The following AK8 variants were observed in gnomAD, a reference collection of about 807,000 sequenced individuals.
AK8 encodes adenylate kinase 8.
AK8 carries 44 observed loss-of-function variants against 54.6 expected under a neutral mutation model. The ratio of observed to expected loss-of-function variants is 0.81; its 90% CI spans 0.63 to 1.04. The LOEUF is 1.04. Among genes scored for constraint, AK8 ranks in the 50% least tolerant of loss-of-function variants. The pLI is 0.00. For missense variants in AK8, 555 were observed against 613.6 expected, an observed-to-expected ratio of 0.90 and a Z score of 1.01; for synonymous variants, 239 against 245.6, an observed-to-expected ratio of 0.97 and a Z score of 0.25.
Position 132,795,283 on chromosome 9 carries a change from G to A in AK8, c.980-2508C>T, listed in dbSNP as rs889719681. Among the ~76,000 whole-genome samples the A allele has an allele frequency of 3.9e-5, 6 of 152,148 alleles. No individual in the cohort carries two copies. The South Asian group carries it at 1.0e-3, about 26-fold the overall frequency. ...CGGGAGGGAGCTGGCATGTTGTCTT[G>A]CATAAGCTCCAAGAGTCACAGTGTT... On this transcript the variant is annotated intron_variant, in intron 10 of 12. Coordinates refer to ENST00000298545, the MANE Select transcript of AK8 (RefSeq NM_152572.3).
chr9:132,849,210 A>C (rs761119709), intron 5 of AK8, among the ~76,000 whole-genome samples: 4 of 151,926 alleles, frequency 2.6e-5, no homozygotes, highest in Non-Finnish European at 4.4e-5. Flanking sequence ...GCCCAGCCGG[A>C]AGTTTGCTTT....
At position 132,781,573 on chromosome 9, in the gene AK8, T is replaced by C. The variant is rs1471018429; in HGVS notation, c.1121+11061A>G. ...ATTTTAATAATAAAATTGATATATA[T>C]GTAAATTTATTTTAATCTAATTTCA... On this transcript the variant is annotated intron_variant, in intron 11 of 12. Coordinates refer to ENST00000298545, the MANE Select transcript of AK8 (RefSeq NM_152572.3). The surrounding 1 kb of genome is among the most constrained non-coding windows in gnomAD (Gnocchi z 4.6). Among the ~76,000 whole-genome samples, 2 of 152,176 alleles carry C rather than the reference T, an allele frequency of 1.3e-5. No homozygotes were observed. Among genetic ancestry groups the C allele is most frequent in the Non-Finnish European group, 2.9e-5 (2 of 68,042 alleles).
intron 11 of AK8, among the ~76,000 whole-genome samples, chr9:132,746,825 C>T (rs1264014307): frequency 1.3e-5 from 2 of 152,110 alleles, no homozygotes; most frequent in Admixed American, 1.3e-4. Flanking sequence ...GAAAGAAGGG[C>T]CAACTGCACA....
intron 11 of AK8, among the ~76,000 whole-genome samples, chr9:132,754,180 C>T (rs116222200): frequency 0.012 from 1,753 of 152,276 alleles, 38 homozygotes; most frequent in African/African-American, 0.04. Flanking sequence ...CGGCACAACA[C>T]GCAAGGTCGG....
At chr9:132,801,129 T>C (rs1204153251) in intron 10 of AK8, among the ~76,000 whole-genome samples, 2 of 152,172 alleles carry the variant, frequency 1.3e-5, no homozygotes, top group African/African-American at 2.4e-5. Flanking sequence ...GGTTTCACCA[T>C]GTTGGCTACG....
At chr9:132,840,019 T>C (rs546448116) in intron 5 of AK8, among the ~76,000 whole-genome samples, 1 of 152,238 alleles carries the variant, frequency 6.6e-6, no homozygotes, top group South Asian at 2.1e-4. Flanking sequence ...GGTTTCACCA[T>C]GTTGCCCAGG....
intron 9 of AK8, among the ~76,000 whole-genome samples, chr9:132,819,989 G>A (rs1044603269): frequency 9.2e-5 from 14 of 151,384 alleles, no homozygotes; most frequent in Admixed American, 4.0e-4. Flanking sequence ...AGAGATTCCC[G>A]TCTTTACAAA....
At chr9:132,775,119 G>A (rs1482562824) in intron 11 of AK8, among the ~76,000 whole-genome samples, 2 of 143,324 alleles carry the variant, frequency 1.4e-5, no homozygotes, top group Non-Finnish European at 1.5e-5. Context: ...CTGAGAGCAG[G>A]GGATGGCAAA....
chr9:132,786,698 G>A (rs1463648960), intron 11 of AK8, among the ~76,000 whole-genome samples: 2 of 152,098 alleles, frequency 1.3e-5, no homozygotes, highest in East Asian at 1.9e-4. Context: ...CTTCCAAATC[G>A]CTTTTTAGTC....
intron 5 of AK8, among the ~76,000 whole-genome samples, chr9:132,832,968 T>C (rs1275888940): frequency 1.3e-5 from 2 of 152,140 alleles, no homozygotes; most frequent in African/African-American, 4.8e-5. Flanking sequence ...ACCTGGGGAC[T>C]AAGAAACAAG....
chr9:132,773,323 TATAAACA>T (rs1347696562), intron 11 of AK8, among the ~76,000 whole-genome samples: 2 of 152,164 alleles, frequency 1.3e-5, no homozygotes, highest in African/African-American at 4.8e-5. Flanking sequence ...GATGGCCCTC[TATAAACA>T]TACCACCCTG....
At chr9:132,755,592 T>C (rs1318568746) in intron 11 of AK8, among the ~76,000 whole-genome samples, 1 of 152,140 alleles carries the variant, frequency 6.6e-6, no homozygotes, top group African/African-American at 2.4e-5. Context: ...GCTTAATCGG[T>C]TTGCTGAATG....
chr9:132,794,794 G>A (rs1840087466), intron 10 of AK8, among the ~76,000 whole-genome samples: 1 of 152,126 alleles, frequency 6.6e-6, no homozygotes, highest in African/African-American at 2.4e-5. Context: ...CATGGGCTTG[G>A]GGCATTCACA....
intron 10 of AK8, among the ~76,000 whole-genome samples, chr9:132,804,563 G>A (rs904528142): frequency 6.6e-6 from 1 of 151,872 alleles, no homozygotes; most frequent in African/African-American, 2.4e-5. Flanking sequence ...CTCTTCCCAG[G>A]GAGGGGGGTG....
At chr9:132,771,425 T>C (rs538137562) in intron 11 of AK8, among the ~76,000 whole-genome samples, 3 of 152,220 alleles carry the variant, frequency 2.0e-5, no homozygotes, top group East Asian at 1.9e-4. Flanking sequence ...ATTCTGTTTA[T>C]GAAAATGTGT....
Position 132,791,212 on chromosome 9 carries a change from A to C in AK8, c.1121+1422T>G, listed in dbSNP as rs868616454. The stretch of plus-strand genomic sequence containing the variant: ...AAAGGGGAAGCAAGGCACATCTTAC[A>C]TGGCAGCAGGAGAGAGACAGAGAGA... On this transcript the variant is annotated intron_variant, in intron 11 of 12. Coordinates refer to ENST00000298545, the MANE Select transcript of AK8 (RefSeq NM_152572.3). This position sits in a 1 kb window ranked among gnomAD's most constrained non-coding sequence, Gnocchi z 4.0. Among the ~76,000 whole-genome samples the C allele has an allele frequency of 2.6e-4, 39 of 152,196 alleles. No individual in the cohort carries two copies. Among genetic ancestry groups the C allele is most frequent in the Non-Finnish European group, 4.3e-4 (29 of 68,032 alleles).
chr9:132,761,613 T>C (rs989858297), intron 11 of AK8, among the ~76,000 whole-genome samples: 1 of 152,150 alleles, frequency 6.6e-6, no homozygotes, highest in African/African-American at 2.4e-5. Context: ...TATGAATGTA[T>C]CTGTTTTATC....
At chr9:132,768,860 G>A (rs187391329) in intron 11 of AK8, 49 of 152,224 alleles carry the variant, frequency 3.2e-4, no homozygotes, top group African/African-American at 1.1e-3. Flanking sequence ...AAGTGAAAAA[G>A]CAAGTTACAG....
intron 10 of AK8, among the ~76,000 whole-genome samples, chr9:132,806,203 G>A (rs1031447383): frequency 2.0e-5 from 3 of 151,964 alleles, no homozygotes; most frequent in Non-Finnish European, 4.4e-5. Context: ...TAAAGCTTGT[G>A]AAAAATTAAA....
Sources: gnomAD v4.1 joint callset for allele counts (sites outside exome capture counted in the v4.1 genomes callset) on GRCh38, gnomAD v4.1.1 for gene constraint, Gnocchi (gnomAD v3.1) non-coding constraint, MANE v1.5 for transcripts, NCBI Gene and HGNC (gene_info 2026-07-23, HGNC 2026-07-21) for gene names.